The following SIL1 variants were observed in gnomAD, a reference collection of about 807,000 sequenced individuals.
SIL1 encodes nucleotide exchange factor SIL1.
In SIL1, 40 loss-of-function variants were observed where a neutral mutation model predicts 49.1. The ratio of observed to expected loss-of-function variants is 0.81; its 90% CI spans 0.63 to 1.06. The LOEUF is 1.06. Ranked by LOEUF, SIL1 falls within the 50% of genes least tolerant of loss-of-function variation. SIL1 has a pLI of 0.00. For synonymous variants in SIL1, 253 were observed against 250.8 expected (o/e 1.01, Z -0.08); for missense variants, 500 against 572.6 (o/e 0.87, Z 1.29).
chr5:139,077,926 T>C (rs1222709682), intron 3 of SIL1, among the ~76,000 whole-genome samples: 2 of 152,158 alleles, frequency 1.3e-5, no homozygotes, highest in Admixed American at 1.3e-4. Context: ...TGCTTCCTCA[T>C]CATCCTCATT....
intron 7 of SIL1, among the ~76,000 whole-genome samples, chr5:138,983,548 A>C (rs1272234633): frequency 6.6e-6 from 1 of 151,480 alleles, no homozygotes; most frequent in African/African-American, 2.4e-5. Context: ...ACACCCACCT[A>C]GTAGTCCAGA....
Position 138,951,945 on chromosome 5 carries a change from G to A in SIL1, c.768-61C>T, listed in dbSNP as rs1580977005. On this transcript the variant is annotated intron_variant, in intron 7 of 9. Coordinates refer to ENST00000394817, the MANE Select transcript of SIL1 (RefSeq NM_022464.5). ...CCCAGCCCAGGGATCGGATGGTCAG[G>A]GAACTGAGCCCATGTCAGCCATCCC... 2.1e-6 allele frequency: 3 copies of A among 1,443,394 alleles called. No individual in the cohort carries two copies. In the East Asian group the frequency reaches 6.8e-5, roughly 33 times the overall value. 89.4% of individuals were successfully genotyped at this position (1,443,394 alleles called of 1,614,324 possible). A position where few individuals can be genotyped will look rare whatever the true frequency, so the allele number is the denominator to read the frequency against.
chr5:139,121,533 G>A (rs1199663832), intron 2 of SIL1, among the ~76,000 whole-genome samples: 2 of 152,118 alleles, frequency 1.3e-5, no homozygotes, highest in Non-Finnish European at 2.9e-5. Context: ...TATACTGTTT[G>A]ATGTTTAAAA....
intron 7 of SIL1, chr5:139,017,103 G>C (rs1195047383): frequency 1.3e-5 from 2 of 152,266 alleles, no homozygotes; most frequent in African/African-American, 4.8e-5. Context: ...ACCTGCCGTG[G>C]CCTCCCAAAG....
At chr5:138,980,632 T>C (rs183851855) in intron 7 of SIL1, among the ~76,000 whole-genome samples, 94 of 152,204 alleles carry the variant, frequency 6.2e-4, no homozygotes, top group Admixed American at 1.1e-3. Context: ...CACACACACA[T>C]ATATGGAGTT....
chr5:139,056,907 C>T (rs1321221556), intron 3 of SIL1, among the ~76,000 whole-genome samples: 1 of 151,938 alleles, frequency 6.6e-6, no homozygotes, highest in Non-Finnish European at 1.5e-5. Flanking sequence ...ATTGAGAAAT[C>T]GGATGGTTGC....
intron 1 of SIL1, among the ~76,000 whole-genome samples, chr5:139,186,882 G>C (rs1752084985): frequency 6.6e-6 from 1 of 152,182 alleles, no homozygotes; most frequent in Non-Finnish European, 1.5e-5. Context: ...GGAATCCAAT[G>C]CTTCAAAAAC....
rs1049607527 is a variant in SIL1 at position 138,948,514 on chromosome 5, GAGGCTCTGC to G, written c.1030-1050_1030-1042del. Among the ~76,000 whole-genome samples the G allele has an allele frequency of 1.3e-5, 2 of 152,102 alleles. No individual in the cohort carries two copies. Among genetic ancestry groups the G allele is most frequent in the Admixed American group, 6.5e-5 (1 of 15,272 alleles). On this transcript the variant is annotated intron_variant, in intron 9 of 9. Transcript: ENST00000394817. The surrounding 1 kb of genome is among the most constrained non-coding windows in gnomAD (Gnocchi z 4.8). ...AAATCAATCCCTTCCCTGGGACTGCGAGGCTCTGCAGGCTCTGCCCCCACTGTGCGCGGC... is the reference window on the plus strand; with the variant it reads ...AAATCAATCCCTTCCCTGGGACTGCGAGGCTCTGCCCCCACTGTGCGCGGC...
chr5:138,956,073 G>A (rs1453406542), intron 7 of SIL1, among the ~76,000 whole-genome samples: 1 of 152,232 alleles, frequency 6.6e-6, no homozygotes, highest in African/African-American at 2.4e-5. Flanking sequence ...GCAGAGGGAT[G>A]TGCTCACTCA....
chr5:139,058,574 A>T (rs966996130), intron 3 of SIL1, among the ~76,000 whole-genome samples: 4 of 152,316 alleles, frequency 2.6e-5, no homozygotes, highest in African/African-American at 9.6e-5. Context: ...TATTTGTATG[A>T]GTATGAACTC....
chr5:139,009,286 C>G (rs1258911687), intron 7 of SIL1, among the ~76,000 whole-genome samples: 2 of 122,808 alleles, frequency 1.6e-5, no homozygotes, highest in Non-Finnish European at 3.4e-5. Context: ...GATTGCAACC[C>G]CTGCCTTTTT....
At chr5:139,078,263 G>A (rs1158307432) in intron 3 of SIL1, among the ~76,000 whole-genome samples, 1 of 151,930 alleles carries the variant, frequency 6.6e-6, no homozygotes, top group Non-Finnish European at 1.5e-5. Context: ...GAGCAACACA[G>A]TGAGACCATA....
At chr5:139,191,221 CAAAAAAA>C (rs773259762) in intron 1 of SIL1, among the ~76,000 whole-genome samples, 1 of 67,900 alleles carries the variant, frequency 1.5e-5, no homozygotes, top group Non-Finnish European at 2.6e-5. Flanking sequence ...GACTCTGTCT[CAAAAAAA>C]AAAAAAAAAA....
At chr5:139,105,757 A>G (rs1770692059) in intron 3 of SIL1, among the ~76,000 whole-genome samples, 1 of 152,254 alleles carries the variant, frequency 6.6e-6, no homozygotes, top group Admixed American at 6.5e-5. Flanking sequence ...CCTCCAGTCC[A>G]CCCTTGAGCA....
At position 139,000,728 on chromosome 5, in the gene SIL1, T is replaced by C. The variant is rs1474580988; in HGVS notation, c.767+20443A>G. ...ACTTCAAGAAAAAGATGGATAATTCTGACTTTCTAAAAATACTTTAAAATG... is the reference window on the plus strand; with the variant it reads ...ACTTCAAGAAAAAGATGGATAATTCCGACTTTCTAAAAATACTTTAAAATG... On this transcript the variant is annotated intron_variant, in intron 7 of 9. Coordinates refer to ENST00000394817, the MANE Select transcript of SIL1 (RefSeq NM_022464.5). Among the ~76,000 whole-genome samples, 8 of 152,238 alleles carry C rather than the reference T, an allele frequency of 5.3e-5. No homozygotes were observed. The East Asian group carries it at 1.3e-3, about 26-fold the overall frequency.
At chr5:139,095,325 G>A (rs949460199) in intron 3 of SIL1, among the ~76,000 whole-genome samples, 1 of 148,090 alleles carries the variant, frequency 6.8e-6, no homozygotes, top group Non-Finnish European at 1.5e-5. Flanking sequence ...GTACGGTGGT[G>A]CGATCTCAGC....
chr5:139,159,639 A>C (rs948562330), intron 1 of SIL1, among the ~76,000 whole-genome samples: 14 of 152,234 alleles, frequency 9.2e-5, no homozygotes, highest in African/African-American at 3.1e-4. Flanking sequence ...TGCATGAAGC[A>C]GGACAAGTTC....
intron 6 of SIL1, among the ~76,000 whole-genome samples, chr5:139,023,562 T>A (rs992567907): frequency 6.6e-6 from 1 of 152,214 alleles, no homozygotes; most frequent in Non-Finnish European, 1.5e-5. Flanking sequence ...ACCATCTGTT[T>A]CCACACACAA....
chr5:139,103,333 T>A (rs1230640775), intron 3 of SIL1, among the ~76,000 whole-genome samples: 3 of 152,208 alleles, frequency 2.0e-5, no homozygotes, highest in African/African-American at 7.2e-5. Context: ...CCTGCCCCTT[T>A]CCTTCCTCCC....
Sources: gnomAD v4.1 joint callset for allele counts (sites outside exome capture counted in the v4.1 genomes callset) on GRCh38, gnomAD v4.1.1 for gene constraint, Gnocchi (gnomAD v3.1) non-coding constraint, MANE v1.5 for transcripts, NCBI Gene and HGNC (gene_info 2026-07-23, HGNC 2026-07-21) for gene names.